The following CFAP46 variants were observed in gnomAD, a reference collection of about 807,000 sequenced individuals.
The protein encoded by CFAP46 is cilia- and flagella-associated protein 46.
CFAP46 carries 245 observed loss-of-function variants against 325.7 expected under a neutral mutation model. That is an observed-to-expected ratio of 0.75 (90% CI 0.68 to 0.84). The LOEUF is 0.84. CFAP46 is among the 40% of genes least tolerant of loss of function. The probability of loss-of-function intolerance (pLI) is 0.00; values close to 1 mark genes in which losing one functional copy is unlikely to be tolerated. For synonymous variants in CFAP46, 1,523 were observed against 1,495.9 expected (o/e 1.02, Z -0.42); for missense variants, 3,346 against 3,543.0 (o/e 0.94, Z 1.41).
In CFAP46 at chr10:132,825,852, C is replaced by T. The variant is rs563341812; in HGVS notation, c.7117+7506G>A. On this transcript the variant is annotated intron_variant, in intron 50 of 57. Coordinates refer to ENST00000368586, the MANE Select transcript of CFAP46 (RefSeq NM_001200049.3). Reference sequence around the variant, plus strand: ...CACAAACAGCTGGTTGGTGAAAAGCCGAAAGGGCTGGGACTCCCGGGCACA... The same window carrying T: ...CACAAACAGCTGGTTGGTGAAAAGCTGAAAGGGCTGGGACTCCCGGGCACA... 4.6e-5 allele frequency among the ~76,000 whole-genome samples: 7 copies of T among 152,086 alleles called. No homozygotes were observed. The South Asian group carries it at 6.2e-4, about 14-fold the overall frequency.
chr10:132,905,529 G>C (rs575381592), intron 22 of CFAP46, among the ~76,000 whole-genome samples: 3 of 151,270 alleles, frequency 2.0e-5, no homozygotes, highest in Non-Finnish European at 4.4e-5. Flanking sequence ...TGGTGTATGG[G>C]AAGTACACTC....
In CFAP46 at chr10:132,879,449, C is replaced by T. The variant is rs140205673; in HGVS notation, c.3982G>A (p.Ala1328Thr). ...ACCTGCCAGATGTGCCTGAAGAAGG[C>T]GTAGGCTGCAAGGCAGCAGTCCTCG... ...GYEDCCLAAY[A>T]FFRHIWQVSL... Residue 1328 changes from alanine (A) to threonine (T), a missense_variant, in exon 29 of 58, where the codon GCC becomes ACC. Transcript: ENST00000368586. 4,511 of 1,535,036 alleles carry T rather than the reference C, an allele frequency of 2.9e-3. 18 individuals carry two copies. Among genetic ancestry groups the T allele is most frequent in the East Asian group, 0.011 (449 of 40,542 alleles).
chr10:132,837,282 C>T (rs1848268096), intron 44 of CFAP46, among the ~76,000 whole-genome samples: 1 of 152,262 alleles, frequency 6.6e-6, no homozygotes, highest in Non-Finnish European at 1.5e-5. Flanking sequence ...TCTGTGTCCT[C>T]CACACCACAC....
intron 35 of CFAP46, among the ~76,000 whole-genome samples, chr10:132,861,676 G>C (rs1419300186): frequency 2.6e-5 from 4 of 152,242 alleles, no homozygotes; most frequent in Admixed American, 2.0e-4. Context: ...AGGGTGAGGA[G>C]AGGACGGGAG....
At chr10:132,812,993 C>A in intron 54 of CFAP46, 96 bp from the exon 55 acceptor site, 2 of 864,782 alleles carry the variant, frequency 2.3e-6, no homozygotes, top group Non-Finnish European at 3.7e-6. Context: ...GCGTGGTCCA[C>A]GCCTGTCCCA....
At chr10:132,871,875 G>A (rs1848899290) in intron 32 of CFAP46, among the ~76,000 whole-genome samples, 1 of 152,210 alleles carries the variant, frequency 6.6e-6, no homozygotes, top group Non-Finnish European at 1.5e-5. Flanking sequence ...CTTCTGCCAT[G>A]GGTAAAATTC....
At chr10:132,824,675 G>A (rs1847996818) in intron 50 of CFAP46, among the ~76,000 whole-genome samples, 2 of 105,574 alleles carry the variant, frequency 1.9e-5, no homozygotes, top group African/African-American at 7.9e-5. Context: ...CGTGTGCTGT[G>A]TGCTGATGTG....
At chr10:132,851,543 G>A (rs1307671378) in intron 39 of CFAP46, among the ~76,000 whole-genome samples, 1 of 152,098 alleles carries the variant, frequency 6.6e-6, no homozygotes, top group Non-Finnish European at 1.5e-5. Flanking sequence ...TTCCCTCCCG[G>A]TCACCTAGCT....
chr10:132,837,250 G>C (rs1848267388), intron 44 of CFAP46, among the ~76,000 whole-genome samples: 1 of 152,236 alleles, frequency 6.6e-6, no homozygotes, highest in Admixed American at 6.5e-5. Flanking sequence ...GCCTCTGTGA[G>C]TGGTGCCTTT....
At position 132,924,013 on chromosome 10, in the gene CFAP46, G is replaced by A. The variant is rs199875871; in HGVS notation, c.1256+683C>T. Among the ~76,000 whole-genome samples, 90 of 152,248 alleles carry A rather than the reference G, an allele frequency of 5.9e-4. 2 individuals carry two copies. Among genetic ancestry groups the A allele is most frequent in the Admixed American group, 3.9e-3 (59 of 15,300 alleles). ...CAGACAGGGAGCGGGGGCTGAGCCG[G>A]CGGACTCAGAGTCAAGATTGTGCTG... On this transcript the variant is annotated intron_variant, in intron 11 of 57. Transcript: ENST00000368586.
intron 23 of CFAP46, among the ~76,000 whole-genome samples, 180 bp from the exon 24 acceptor site, chr10:132,899,301 G>A (rs985657468): frequency 3.3e-5 from 5 of 152,158 alleles, no homozygotes; most frequent in African/African-American, 1.2e-4. Context: ...TGGGCAGCAC[G>A]AGGTCAGACC....
intron 50 of CFAP46, 78 bp from the exon 51 acceptor site, chr10:132,814,992 C>G: frequency 8.1e-7 from 1 of 1,242,174 alleles, no homozygotes; most frequent in Non-Finnish European, 1.2e-6. Context: ...CGGTTAATTT[C>G]ATGTTATGCA....
intron 35 of CFAP46, among the ~76,000 whole-genome samples, chr10:132,862,546 T>G (rs1451164409): frequency 6.6e-6 from 1 of 151,344 alleles, no homozygotes; most frequent in East Asian, 2.0e-4. Context: ...ACAACAATAG[T>G]CACAACCCCC....
chr10:132,826,098 A>G (rs71481958), intron 50 of CFAP46, among the ~76,000 whole-genome samples: 2,175 of 59,134 alleles, frequency 0.037, 11 homozygotes, highest in Admixed American at 0.089. Context: ...CCGGAGCCAC[A>G]GAGACCAGCC....
At chr10:132,926,458 G>A (rs1849813425) in intron 10 of CFAP46, 110 bp downstream of exon 10, 8 of 786,034 alleles carry the variant, frequency 1.0e-5, no homozygotes, top group Non-Finnish European at 1.3e-5. Flanking sequence ...TAGCAGTGGG[G>A]TCCAGGCCAT....
At chr10:132,859,992 T>C (rs972777434) in intron 37 of CFAP46, among the ~76,000 whole-genome samples, 7 of 151,964 alleles carry the variant, frequency 4.6e-5, no homozygotes, top group Non-Finnish European at 8.8e-5. Flanking sequence ...GAGTCGGAGG[T>C]TGCGGTGAGC....
chr10:132,879,563 C>T lies in CFAP46; in HGVS notation c.3868G>A (p.Glu1290Lys). 2 of 1,547,408 alleles carry T rather than the reference C, an allele frequency of 1.3e-6. No homozygotes were observed. The highest frequency in any genetic ancestry group is 1.7e-6 in the Non-Finnish European group (2 of 1,145,998). The change falls in exon 29 of 58, where the codon GAG becomes AAG. Residue 1290 changes from glutamate to lysine, a missense_variant. By Grantham distance (56) the Glu-to-Lys change is moderately conservative. Coordinates refer to ENST00000368586, the MANE Select transcript of CFAP46 (RefSeq NM_001200049.3). ...AGCTGCCGCACGCTACGCAGCTGCT[C>T]CAAGGACACCGCCTCCTCGGCCTCG... ...VSEAEEAVSL[E>K]QLRSVRQLEA...
Position 132,869,055 on chromosome 10 carries a change from C to A in CFAP46, c.4610+219G>T, listed in dbSNP as rs1028863645. ...AGGGGCTCGGGCCACCCTGGAGAGCCCCCCTCACCGCCCCTCCCTCCCTCT... is the reference window on the plus strand; with the variant it reads ...AGGGGCTCGGGCCACCCTGGAGAGCACCCCTCACCGCCCCTCCCTCCCTCT... On this transcript the variant is annotated intron_variant, in intron 33 of 57. Transcript: ENST00000368586. This position sits in a 1 kb window ranked among gnomAD's most constrained non-coding sequence, Gnocchi z 6.2. Among the ~76,000 whole-genome samples the A allele has an allele frequency of 6.6e-6, 1 of 152,206 alleles. No individual in the cohort carries two copies.
chr10:132,856,461 A>C (rs550079796), intron 39 of CFAP46, among the ~76,000 whole-genome samples: 1 of 152,196 alleles, frequency 6.6e-6, no homozygotes, highest in East Asian at 1.9e-4. Flanking sequence ...TTCCAATTAC[A>C]CCTATATTCG....
Sources: allele counts gnomAD v4.1 joint callset (sites outside exome capture counted in the v4.1 genomes callset), GRCh38; gene constraint gnomAD v4.1.1; non-coding constraint Gnocchi (gnomAD v3.1); transcripts MANE v1.5; gene names NCBI Gene and HGNC (gene_info 2026-07-23, HGNC 2026-07-21).